RESF1: variants seen among roughly 807,000 people sequenced by gnomAD.
RESF1 encodes retroelement silencing factor 1, also known as gonad expressed transcript.
A neutral mutation model predicts 134.7 loss-of-function variants in RESF1; 65 were observed. That is an observed-to-expected ratio of 0.48 (90% CI 0.40 to 0.59). The LOEUF is 0.59. Among genes scored for constraint, RESF1 ranks in the 20% least tolerant of loss-of-function variants. RESF1 has a pLI of 0.00. For synonymous variants in RESF1, 762 were observed against 702.2 expected (o/e 1.09, Z -1.35); for missense variants, 2,274 against 2,002.7 (o/e 1.14, Z -2.59).
At chr12:31,987,543 CTT>C (rs1483659153) in intron 5 of RESF1, among the ~76,000 whole-genome samples, 1 of 151,068 alleles carries the variant, frequency 6.6e-6, no homozygotes, top group Non-Finnish European at 1.5e-5. Context: ...GAAAATAAGT[CTT>C]ATCACAATGA....
chr12:31,982,307 T>G lies in RESF1; in HGVS notation c.1352T>G (p.Ile451Ser). 6.2e-7 allele frequency: 1 copy of G among 1,614,016 alleles called. No homozygotes were observed. Residue 451 changes from isoleucine (I) to serine (S), a missense_variant, in exon 4 of 6, where the codon ATC (isoleucine) becomes AGC (serine). By Grantham distance (142) the Ile-to-Ser change is moderately radical. Coordinates refer to ENST00000312561, the MANE Select transcript of RESF1 (RefSeq NM_018169.4). ...SKLSLKQTAK[I>S]QSGPQITPVM... Reference sequence around the variant, plus strand: ...TTGTCTCTAAAACAAACTGCCAAAATCCAGTCTGGACCCCAGATAACTCCA... The same window carrying G: ...TTGTCTCTAAAACAAACTGCCAAAAGCCAGTCTGGACCCCAGATAACTCCA...
chr12:31,990,408 G>A lies in RESF1; in HGVS notation c.5087-1970G>A, dbSNP rs1334018872. On this transcript the variant is annotated intron_variant, in intron 5 of 5. Coordinates refer to ENST00000312561, the MANE Select transcript of RESF1 (RefSeq NM_018169.4). ...CTAAGGGAGGAGAAAAAAATCTCAG[G>A]TGATGGCTACATGGGCATTTTTATT... is the stretch of plus-strand genomic sequence containing the variant. Among the ~76,000 whole-genome samples the A allele has an allele frequency of 1.7e-4, 26 of 152,064 alleles. 1 individual carries two copies. Among genetic ancestry groups the A allele is most frequent in the Admixed American group, 1.6e-3 (25 of 15,262 alleles).
Position 31,982,414 on chromosome 12 carries a change from T to A in RESF1, c.1459T>A (p.Ser487Thr). ...AAATAAGACTCAATGTATGTTGAAT[T>A]CTGACATTCAGGAAGTCAATTGCAG... ...ETNKTQCMLNSDIQEVNCRRF... is the reference protein window; with the variant it reads ...ETNKTQCMLNTDIQEVNCRRF... The change falls in exon 4 of 6, where the codon TCT becomes ACT. Residue 487 changes from serine to threonine, a missense_variant. Ser to Thr is a moderately conservative substitution (Grantham distance 58). Transcript: ENST00000312561. The A allele has an allele frequency of 6.2e-7, 1 of 1,614,102 alleles. No homozygotes were observed. Among genetic ancestry groups the A allele is most frequent in the South Asian group, 1.1e-5 (1 of 91,088 alleles).
At chr12:31,970,129 C>T (rs1939474778) in intron 2 of RESF1, 60 bp from the exon 3 acceptor site, 1 of 152,180 alleles carries the variant, frequency 6.6e-6, no homozygotes, top group African/African-American at 2.4e-5. Flanking sequence ...TATTGTTAAT[C>T]TTAGTGAGAT....
rs748808067 is a variant in RESF1, at chr12:31,983,836, C to G, written c.2881C>G (p.Gln961Glu). 1 of 1,613,196 alleles carries G rather than the reference C, an allele frequency of 6.2e-7. No individual in the cohort carries two copies. Among genetic ancestry groups the G allele is most frequent in the Non-Finnish European group, 8.5e-7 (1 of 1,179,982 alleles). ...DFGFQKDKPV[Q>E]CTDVSHKICD... ...TGGTTTTCAAAAAGATAAACCTGTA[C>G]AGTGCACAGATGTTTCACATAAAAT... The change falls in exon 4 of 6, where the codon CAG (glutamine) becomes GAG (glutamate). Residue 961 changes from glutamine (Q) to glutamate (E), a missense_variant. Coordinates refer to ENST00000312561, the MANE Select transcript of RESF1 (RefSeq NM_018169.4).
At chr12:31,959,662 G>C (rs867404844) in intron 1 of RESF1, 171 bp downstream of exon 1, 27 of 151,116 alleles carry the variant, frequency 1.8e-4, no homozygotes, top group African/African-American at 5.6e-4. Context: ...CCCGGGCCTC[G>C]GGCCCCGCCG....
chr12:31,971,803 A>G (rs1180567192), intron 3 of RESF1, among the ~76,000 whole-genome samples: 2 of 152,184 alleles, frequency 1.3e-5, no homozygotes, highest in African/African-American at 4.8e-5. Context: ...CCCTACCCCT[A>G]ATTCCTGGTA....
intron 3 of RESF1, among the ~76,000 whole-genome samples, chr12:31,972,923 C>T (rs961476460): frequency 1.3e-5 from 2 of 151,492 alleles, no homozygotes; most frequent in Non-Finnish European, 2.9e-5. Flanking sequence ...TTTCTTATTC[C>T]TTAGTGGGGT....
chr12:31,961,259 G>C (rs1361310096), intron 2 of RESF1, among the ~76,000 whole-genome samples: 4 of 152,184 alleles, frequency 2.6e-5, no homozygotes, highest in African/African-American at 7.2e-5. Flanking sequence ...TTCCCGTGCA[G>C]CCAAAGTGAT....
At position 31,981,693 on chromosome 12, in the gene RESF1, T is replaced by C; in HGVS notation, c.738T>C (p.Asn246=). ...FIPHTSLQVK[N]SQLLNSVLTL... is the part of the protein sequence containing the mutation. The stretch of plus-strand genomic sequence containing the variant: ...CACATACATCATTGCAAGTTAAAAA[T>C]AGTCAGCTTCTAAATTCTGTATTAA... Residue 246 remains asparagine, a synonymous_variant, in exon 4 of 6, where the codon AAT becomes AAC. Coordinates refer to ENST00000312561, the MANE Select transcript of RESF1 (RefSeq NM_018169.4). 8.7e-6 allele frequency: 14 copies of C among 1,613,816 alleles called. No individual in the cohort carries two copies. Among genetic ancestry groups the C allele is most frequent in the Non-Finnish European group, 1.2e-5 (14 of 1,180,014 alleles).
rs1220500627 is a variant in RESF1 at position 31,983,499 on chromosome 12, A to G, written c.2544A>G (p.Ser848=). The change falls in exon 4 of 6, where the codon TCA becomes TCG. Residue 848 remains serine, a synonymous_variant. Transcript: ENST00000312561. ...EKQNESTNGN[S]EVTPNVNQGK... is the part of the protein sequence containing the mutation. ...AGAATGAGTCAACTAATGGTAATTC[A>G]GAAGTCACACCTAATGTCAATCAAG... 3 of 1,614,006 alleles carry G rather than the reference A, an allele frequency of 1.9e-6. No homozygotes were observed. In the African/African-American group the frequency reaches 4.0e-5, roughly 22 times the overall value.
At chr12:31,970,607 G>A (rs1384139583) in intron 3 of RESF1, among the ~76,000 whole-genome samples, 4 of 152,260 alleles carry the variant, frequency 2.6e-5, no homozygotes, top group South Asian at 2.1e-4. Flanking sequence ...CTTGCTTTGG[G>A]GAGGTATTGT....
chr12:31,965,533 TTG>T (rs1939380912), intron 2 of RESF1, among the ~76,000 whole-genome samples: 1 of 152,222 alleles, frequency 6.6e-6, no homozygotes, highest in African/African-American at 2.4e-5. Context: ...GCTGCCTTGC[TTG>T]TGTGGTTTGT....
Position 31,982,645 on chromosome 12 carries a change from G to A in RESF1, c.1690G>A (p.Val564Ile), listed in dbSNP as rs769060680. The change falls in exon 4 of 6, where the codon GTT becomes ATT. Residue 564 changes from valine (V) to isoleucine (I), a missense_variant. Val to Ile is a conservative substitution (Grantham distance 29, BLOSUM62 3). Coordinates refer to ENST00000312561, the MANE Select transcript of RESF1 (RefSeq NM_018169.4). Reference protein sequence around the residue: ...NSPAVCETISVPKSMSTEEYK... With the variant: ...NSPAVCETISIPKSMSTEEYK... ...ACCAGCAGTTTGTGAAACAATTTCTGTTCCCAAGTCCATGTCCACTGAGGA... is the reference window on the plus strand; with the variant it reads ...ACCAGCAGTTTGTGAAACAATTTCTATTCCCAAGTCCATGTCCACTGAGGA... 3.7e-5 allele frequency: 60 copies of A among 1,613,900 alleles called. No individual in the cohort carries two copies. Among genetic ancestry groups the A allele is most frequent in the Non-Finnish European group, 4.5e-5 (53 of 1,180,010 alleles).
At position 31,987,995 on chromosome 12, in the gene RESF1, A is replaced by G. The variant is rs545882760; in HGVS notation, c.5086+673A>G. On this transcript the variant is annotated intron_variant, in intron 5 of 5. Transcript: ENST00000312561. ...GGTAATCCACCTGCCTCGGCCTCCC[A>G]AAGTGCTGGGATTACAGACATGAGA... is the stretch of plus-strand genomic sequence containing the variant. 7.2e-5 allele frequency among the ~76,000 whole-genome samples: 11 copies of G among 152,282 alleles called. No homozygotes were observed. The South Asian group carries it at 1.9e-3, about 26-fold the overall frequency.
Position 31,985,685 on chromosome 12 carries a change from A to G in RESF1, c.4730A>G (p.Gln1577Arg). The G allele has an allele frequency of 6.2e-7, 1 of 1,612,376 alleles. No individual in the cohort carries two copies. Among genetic ancestry groups the G allele is most frequent in the South Asian group, 1.1e-5 (1 of 90,522 alleles). The change falls in exon 4 of 6, where the codon CAA becomes CGA. Residue 1577 changes from glutamine (Q) to arginine (R), a missense_variant. Physicochemically the swap from Gln to Arg is conservative, Grantham distance 43. Transcript: ENST00000312561. ...FSQMPPQVKD[Q>R]KKLYLNRVGF... The stretch of plus-strand genomic sequence containing the variant: ...CAAATGCCTCCCCAAGTAAAGGATC[A>G]AAAGAAATTATATCTGAATAGAGTT...
intron 2 of RESF1, among the ~76,000 whole-genome samples, chr12:31,965,889 CAAAAAAAAAAA>C (rs10665492): frequency 1.8e-5 from 2 of 114,054 alleles, no homozygotes; most frequent in Non-Finnish European, 3.6e-5. Context: ...GACTTCGTCT[CAAAAAAAAAAA>C]AAAAAAAGAA....
chr12:31,981,556 T>A lies in RESF1; in HGVS notation c.601T>A (p.Cys201Ser). Reference sequence around the variant, plus strand: ...GCAACAGGTTGATTGGACACAACAGTGTATATCTAAGGGACTGACTTACCC... The same window carrying A: ...GCAACAGGTTGATTGGACACAACAGAGTATATCTAAGGGACTGACTTACCC... The part of the protein sequence containing the change: ...SEQQVDWTQQ[C>S]ISKGLTYPDY... The change falls in exon 4 of 6, where the codon TGT (cysteine) becomes AGT (serine). Residue 201 changes from cysteine (C) to serine (S), a missense_variant. Coordinates refer to ENST00000312561, the MANE Select transcript of RESF1 (RefSeq NM_018169.4). 3.1e-6 allele frequency: 5 copies of A among 1,614,174 alleles called. No individual in the cohort carries two copies. The highest frequency in any genetic ancestry group is 4.2e-6 in the Non-Finnish European group (5 of 1,180,008).
chr12:31,960,479 T>A (rs10844070), intron 1 of RESF1, among the ~76,000 whole-genome samples: 25,351 of 152,194 alleles, frequency 0.17, 2,562 homozygotes, highest in South Asian at 0.31. Flanking sequence ...AGTCGGATTT[T>A]TTTCTGTTTA....
Sources: allele counts gnomAD v4.1 joint callset (sites outside exome capture counted in the v4.1 genomes callset), GRCh38; gene constraint gnomAD v4.1.1; transcripts MANE v1.5; gene names NCBI Gene and HGNC (gene_info 2026-07-23, HGNC 2026-07-21).